RFPL1: variants seen among roughly 807,000 people sequenced by gnomAD.
RFPL1 encodes the protein ret finger protein-like 1.
In RFPL1, 6 loss-of-function variants were observed where a neutral mutation model predicts 9.6. The ratio of observed to expected loss-of-function variants is 0.62; its 90% CI spans 0.34 to 1.23. RFPL1 has a LOEUF of 1.23. Ranked by LOEUF, RFPL1 falls within the 50% of genes most tolerant of loss-of-function variation. The pLI is 0.03. For synonymous variants in RFPL1, 145 were observed against 149.4 expected (o/e 0.97, Z 0.22); for missense variants, 352 against 398.4 (o/e 0.88, Z 0.99).
chr22:29,416,803 T>C, the RFPL1 span, among the ~76,000 whole-genome samples: 135 of 152,290 alleles, frequency 8.9e-4, no homozygotes, highest in South Asian at 1.4e-3. Flanking sequence ...TTTCAGAGAA[T>C]ACTGAGGTTC....
chr22:29,409,110 A>C, the RFPL1 span, among the ~76,000 whole-genome samples: 1 of 152,076 alleles, frequency 6.6e-6, no homozygotes, highest in African/African-American at 2.4e-5. Flanking sequence ...TTGACATGCA[A>C]AACAACTCAC....
At chr22:29,413,710 G>A in the RFPL1 span, among the ~76,000 whole-genome samples, 2 of 151,950 alleles carry the variant, frequency 1.3e-5, no homozygotes, top group Non-Finnish European at 1.5e-5. Flanking sequence ...ATTTTTATAG[G>A]CTTTTTTAAC....
At chr22:29,409,038 G>A in the RFPL1 span, among the ~76,000 whole-genome samples, 1 of 151,748 alleles carries the variant, frequency 6.6e-6, no homozygotes, top group African/African-American at 2.4e-5. Flanking sequence ...AGAGAAAGTC[G>A]AAAGCCCAGC....
the RFPL1 span, among the ~76,000 whole-genome samples, chr22:29,407,079 TTGTGTGTGTGTGTG>T: frequency 4.7e-4 from 69 of 146,012 alleles, no homozygotes; most frequent in Non-Finnish European, 5.7e-4. Flanking sequence ...AGTTGTTCTT[TTGTGTGTGTGTGTG>T]TGTGTGTGTG....
chr22:29,427,316 G>A, the RFPL1 span, among the ~76,000 whole-genome samples: 1 of 152,222 alleles, frequency 6.6e-6, no homozygotes, highest in African/African-American at 2.4e-5. Context: ...CAAGGTGGGG[G>A]CTGAGCCACA....
chr22:29,417,123 AG>A, the RFPL1 span, among the ~76,000 whole-genome samples: 1 of 152,126 alleles, frequency 6.6e-6, no homozygotes, highest in Non-Finnish European at 1.5e-5. Context: ...ATGACGCACC[AG>A]GAAGAATGGG....
At chr22:29,393,918 C>G in the RFPL1 span, among the ~76,000 whole-genome samples, 1 of 152,178 alleles carries the variant, frequency 6.6e-6, no homozygotes, top group Non-Finnish European at 1.5e-5. Context: ...CTTAAATGAT[C>G]TGCCCGCCTT....
chr22:29,437,602 G>C (rs765170864), upstream of RFPL1: 2 of 1,580,926 alleles, frequency 1.3e-6, no homozygotes, highest in Non-Finnish European at 1.7e-6. Context: ...AGGTTAGAGG[G>C]TGTGGAAGGG....
chr22:29,419,586 C>T, the RFPL1 span, among the ~76,000 whole-genome samples: 10 of 152,122 alleles, frequency 6.6e-5, no homozygotes, highest in African/African-American at 1.2e-4. Context: ...AGGCAGATCA[C>T]GAGGCCAGGA....
At chr22:29,400,386 A>G in the RFPL1 span, among the ~76,000 whole-genome samples, 32 of 152,318 alleles carry the variant, frequency 2.1e-4, 1 homozygote, top group African/African-American at 7.5e-4. Context: ...AGAGCTGGTC[A>G]TGAAAAGAGC....
chr22:29,414,602 T>C, the RFPL1 span, among the ~76,000 whole-genome samples: 35 of 152,290 alleles, frequency 2.3e-4, no homozygotes, highest in Non-Finnish European at 5.0e-4. Flanking sequence ...TGTTTTTTTT[T>C]CCTTAATCAC....
At chr22:29,433,832 A>G (rs189891831), upstream of RFPL1, among the ~76,000 whole-genome samples, 1 of 152,338 alleles carries the variant, frequency 6.6e-6, no homozygotes, top group Admixed American at 6.5e-5. Context: ...CCCATGTGGA[A>G]GTGACAATAA....
the RFPL1 span, among the ~76,000 whole-genome samples, chr22:29,413,344 A>G: frequency 5.9e-5 from 9 of 151,956 alleles, no homozygotes; most frequent in Non-Finnish European, 1.0e-4. Flanking sequence ...CTGGTTTACC[A>G]GAAATTCTCG....
chr22:29,406,058 G>A, the RFPL1 span, among the ~76,000 whole-genome samples: 78 of 131,818 alleles, frequency 5.9e-4, no homozygotes, highest in Admixed American at 1.9e-3. Flanking sequence ...GCAGTGAGCC[G>A]AGATTGCACC....
At chr22:29,434,219 G>A (rs965376860), upstream of RFPL1, among the ~76,000 whole-genome samples, 2 of 152,144 alleles carry the variant, frequency 1.3e-5, no homozygotes, top group East Asian at 1.9e-4. Context: ...TATTTGAACA[G>A]AGTCTGCTAA....
the RFPL1 span, among the ~76,000 whole-genome samples, chr22:29,426,093 C>T: frequency 3.3e-5 from 5 of 151,860 alleles, no homozygotes; most frequent in Admixed American, 6.6e-5. Context: ...GAGGCCAAGG[C>T]GGGCGGATCG....
chr22:29,427,753 C>T, the RFPL1 span, among the ~76,000 whole-genome samples: 1 of 152,162 alleles, frequency 6.6e-6, no homozygotes, highest in Admixed American at 6.5e-5. Context: ...GCCAAAGCAA[C>T]TCTATCTTGG....
At chr22:29,411,413 A>G in the RFPL1 span, among the ~76,000 whole-genome samples, 1 of 152,232 alleles carries the variant, frequency 6.6e-6, no homozygotes, top group Non-Finnish European at 1.5e-5. Context: ...CATTCTGAAT[A>G]GGTATTGGCA....
the RFPL1 span, among the ~76,000 whole-genome samples, chr22:29,416,430 G>T: frequency 6.6e-6 from 1 of 152,058 alleles, no homozygotes; most frequent in Non-Finnish European, 1.5e-5. Context: ...TTGATGTTTA[G>T]CAGAGAGACC....
Sources: allele counts gnomAD v4.1 joint callset (sites outside exome capture counted in the v4.1 genomes callset), GRCh38; gene constraint gnomAD v4.1.1; transcripts MANE v1.5; gene names NCBI Gene and HGNC (gene_info 2026-07-23, HGNC 2026-07-21).